CCSER2: variants seen among roughly 807,000 people sequenced by gnomAD.
The protein encoded by CCSER2 is coiled-coil serine rich protein 2, also known as serine-rich coiled-coil domain-containing protein 2.
Under a neutral mutation model 92.3 loss-of-function variants are expected in CCSER2, and 46 were observed. The observed-to-expected ratio is 0.50, with a 90% confidence interval of 0.39 to 0.64. CCSER2 has a LOEUF of 0.64. Among genes scored for constraint, CCSER2 ranks in the 30% least tolerant of loss-of-function variants. The pLI is 0.00. For missense variants in CCSER2, 1,244 were observed against 1,238.9 expected (o/e 1.00, Z -0.06); for synonymous variants, 433 against 431.4 (o/e 1.00, Z -0.04).
At chr10:84,393,228 G>A (rs1014758665) in intron 3 of CCSER2, among the ~76,000 whole-genome samples, 5 of 152,110 alleles carry the variant, frequency 3.3e-5, no homozygotes, top group African/African-American at 7.2e-5. Flanking sequence ...TGCACAATGT[G>A]GAAAGCTGAT....
intron 3 of CCSER2, among the ~76,000 whole-genome samples, chr10:84,382,744 A>T (rs1017344057): frequency 6.6e-6 from 1 of 152,238 alleles, no homozygotes; most frequent in Non-Finnish European, 1.5e-5. Context: ...GAATCAGATC[A>T]TCACTGAAAG....
At chr10:84,441,758 T>G (rs1245094382) in intron 6 of CCSER2, among the ~76,000 whole-genome samples, 11 of 81,968 alleles carry the variant, frequency 1.3e-4, no homozygotes, top group African/African-American at 3.9e-4. Flanking sequence ...TTTTTTTTTT[T>G]TTTTTTTTTT....
At chr10:84,512,395 T>TGA (rs889502745) in intron 9 of CCSER2, among the ~76,000 whole-genome samples, 48 of 129,808 alleles carry the variant, frequency 3.7e-4, no homozygotes, top group African/African-American at 9.3e-4. Flanking sequence ...TGTGTGTGTG[T>TGA]GAGAGAGAGA....
intron 9 of CCSER2, among the ~76,000 whole-genome samples, chr10:84,513,211 C>T (rs1204348431): frequency 6.6e-6 from 1 of 151,954 alleles, no homozygotes; most frequent in Non-Finnish European, 1.5e-5. Flanking sequence ...TTCTTTTTCT[C>T]ATTTAATTTT....
intron 3 of CCSER2, among the ~76,000 whole-genome samples, chr10:84,392,673 A>C (rs529850455): frequency 2.0e-5 from 3 of 152,264 alleles, no homozygotes; most frequent in South Asian, 4.1e-4. Context: ...AAGGTACCCC[A>C]AAAAAGTTGG....
At chr10:84,368,759 T>A (rs1188525879) in intron 1 of CCSER2, among the ~76,000 whole-genome samples, 1 of 152,144 alleles carries the variant, frequency 6.6e-6, no homozygotes, top group African/African-American at 2.4e-5. Flanking sequence ...AGTCTGAGAT[T>A]TTAGTGCACG....
rs1189758044 is a variant in CCSER2, at chr10:84,371,221, G to C, written c.169G>C (p.Asp57His). 1.2e-6 allele frequency: 2 copies of C among 1,613,170 alleles called. No homozygotes were observed. The highest frequency in any genetic ancestry group is 1.7e-6 in the Non-Finnish European group (2 of 1,179,700). The change falls in exon 2 of 10, where the codon GAT (aspartate) becomes CAT (histidine). Residue 57 changes from aspartate to histidine, a missense_variant. Physicochemically the swap from Asp to His is moderately conservative, Grantham distance 81 (BLOSUM62 -1). Transcript: ENST00000372088. ...AAGTTACATCAAAAATAATGGCTCT[G>C]ATTGTCCATCATCTCATTCATTTAA... ...VKSYIKNNGS[D>H]CPSSHSFNWR...
chr10:84,402,689 TAATG>T (rs1842182623), intron 3 of CCSER2, among the ~76,000 whole-genome samples: 1 of 152,326 alleles, frequency 6.6e-6, no homozygotes, highest in African/African-American at 2.4e-5. Context: ...TGTTAATACT[TAATG>T]AAGAAAGATT....
chr10:84,441,917 C>T (rs533930707), intron 6 of CCSER2, among the ~76,000 whole-genome samples: 11 of 151,676 alleles, frequency 7.3e-5, no homozygotes, highest in Admixed American at 2.0e-4. Flanking sequence ...CCACCACGCC[C>T]GGCTAATTTC....
chr10:84,473,867 T>A (rs576907938), intron 8 of CCSER2, among the ~76,000 whole-genome samples: 7 of 152,316 alleles, frequency 4.6e-5, no homozygotes, highest in South Asian at 2.1e-4. Context: ...CTAGGTGATT[T>A]CCAATTTCCC....
chr10:84,438,696 C>G lies in CCSER2; in HGVS notation c.2053C>G (p.Leu685Val). Residue 685 changes from leucine (L) to valine (V), a missense_variant, in exon 6 of 10, where the codon CTC becomes GTC. Transcript: ENST00000372088. ...VKTQLLKLKR[L>V]LHQHDGSGSL... ...AACTCAGTTACTCAAACTGAAACGT[C>G]TCCTGCATCAGGTGAGTACATAATG... 1 of 1,602,632 alleles carries G rather than the reference C, an allele frequency of 6.2e-7. No individual in the cohort carries two copies. The highest frequency in any genetic ancestry group is 8.5e-7 in the Non-Finnish European group (1 of 1,173,136).
At chr10:84,484,468 G>A (rs564227161) in intron 9 of CCSER2, among the ~76,000 whole-genome samples, 7 of 147,750 alleles carry the variant, frequency 4.7e-5, no homozygotes, top group African/African-American at 1.3e-4. Flanking sequence ...CTGGAGAGAC[G>A]TTGCATGCAT....
rs34335757 is a variant in CCSER2, at chr10:84,460,087, AT to A, written c.2065-3826del. Reference sequence around the variant, plus strand: ...ACATATTGTTGGTTTTGATTCTTCGATTTTTTTTTTTTTTTTTTTTGAGACA... The same window carrying A: ...ACATATTGTTGGTTTTGATTCTTCGATTTTTTTTTTTTTTTTTTTGAGACA... On this transcript the variant is annotated intron_variant, in intron 6 of 9. Transcript: ENST00000372088. 7.3e-3 allele frequency among the ~76,000 whole-genome samples: 755 copies of A among 103,244 alleles called. 3 individuals carry two copies. Among genetic ancestry groups the A allele is most frequent in the African/African-American group, 0.017 (472 of 27,900 alleles). 67.7% of individuals were successfully genotyped at this position (103,244 alleles called of 152,430 possible). A position where few individuals can be genotyped will look rare whatever the true frequency, so the allele number is the denominator to read the frequency against.
At position 84,473,752 on chromosome 10, in the gene CCSER2, G is replaced by C. The variant is rs190681129; in HGVS notation, c.2235+3294G>C. The stretch of plus-strand genomic sequence containing the variant: ...TAGGAAAAAAATCAGAAGAATCATA[G>C]ACTAGGAATTAAAGGACTTGTTTCT... On this transcript the variant is annotated intron_variant, in intron 8 of 9. Coordinates refer to ENST00000372088, the MANE Select transcript of CCSER2 (RefSeq NM_001284240.2). 6.8e-4 allele frequency among the ~76,000 whole-genome samples: 104 copies of C among 152,074 alleles called. No homozygotes were observed. In the Middle Eastern group the frequency reaches 0.01, roughly 15 times the overall value.
rs1479633017 is a variant in CCSER2, at chr10:84,371,884, G to A, written c.832G>A (p.Glu278Lys). 3.1e-6 allele frequency: 5 copies of A among 1,613,764 alleles called. No homozygotes were observed. The highest frequency in any genetic ancestry group is 1.3e-5 in the African/African-American group (1 of 74,904). ...SMLTRNSRQP[E>K]VLNGNEHLGY... ...GCTAACAAGAAATTCCCGGCAGCCA[G>A]AAGTACTCAATGGGAATGAACATTT... The change falls in exon 2 of 10, where the codon GAA (glutamate) becomes AAA (lysine). Residue 278 changes from glutamate to lysine, a missense_variant. Physicochemically the swap from Glu to Lys is moderately conservative, Grantham distance 56. Transcript: ENST00000372088.
At position 84,371,016 on chromosome 10, in the gene CCSER2, T is replaced by A; in HGVS notation, c.-37T>A. ...GTACTTCTTTTTTCTCTTCACAGAT[T>A]CTTTCAACTTTTAAGAACAAATGCA... On this transcript the variant is annotated splice_region_variant and 5_prime_UTR_variant, in exon 2 of 10. Transcript: ENST00000372088. The A allele has an allele frequency of 7.5e-7, 1 of 1,336,946 alleles. No individual in the cohort carries two copies. The highest frequency in any genetic ancestry group is 1.0e-6 in the Non-Finnish European group (1 of 979,774). 82.8% of individuals were successfully genotyped at this position (1,336,946 alleles called of 1,614,324 possible).
intron 4 of CCSER2, among the ~76,000 whole-genome samples, chr10:84,424,324 A>G (rs992156548): frequency 6.6e-6 from 1 of 152,112 alleles, no homozygotes; most frequent in African/African-American, 2.4e-5. Flanking sequence ...AGATGACAAC[A>G]AATTGAAATA....
At chr10:84,470,509 G>A (rs1846725055) in intron 8 of CCSER2, 51 bp downstream of exon 8, 3 of 1,310,742 alleles carry the variant, frequency 2.3e-6, no homozygotes, top group Non-Finnish European at 3.0e-6. Flanking sequence ...GGTGAAATGT[G>A]TTTTTCATAA....
chr10:84,433,010 C>G (rs969905192), intron 5 of CCSER2, among the ~76,000 whole-genome samples: 13 of 152,114 alleles, frequency 8.5e-5, no homozygotes, highest in Non-Finnish European at 1.6e-4. Context: ...TGTCGAAGAT[C>G]AATTGACTGT....
Sources: gnomAD v4.1 joint callset for allele counts (sites outside exome capture counted in the v4.1 genomes callset) on GRCh38, gnomAD v4.1.1 for gene constraint, MANE v1.5 for transcripts, NCBI Gene and HGNC (gene_info 2026-07-23, HGNC 2026-07-21) for gene names.